The following GNE variants were observed in gnomAD, a reference collection of about 807,000 sequenced individuals.
GNE encodes the protein bifunctional UDP-N-acetylglucosamine 2-epimerase/N-acetylmannosamine kinase.
A neutral mutation model predicts 61.8 loss-of-function variants in GNE; 41 were observed. That is an observed-to-expected ratio of 0.66 (90% confidence interval 0.52 to 0.86). GNE has a LOEUF of 0.86. GNE is among the 40% of genes least tolerant of loss of function. GNE has a pLI of 0.00. For missense variants in GNE, 608 were observed against 909.1 expected, an observed-to-expected ratio of 0.67 and a Z score of 4.26; for synonymous variants, 264 against 326.4, an observed-to-expected ratio of 0.81 and a Z score of 2.06.
chr9:36,227,343 T>G lies in GNE; in HGVS notation c.1186A>C (p.Ile396Leu), dbSNP rs886042509. The G allele has an allele frequency of 1.9e-6, 3 of 1,612,072 alleles. No individual in the cohort carries two copies. The highest frequency in any genetic ancestry group is 1.3e-5 in the African/African-American group (1 of 74,880). Residue 396 changes from isoleucine (I) to leucine (L), a missense_variant, in exon 7 of 12, where the codon ATC becomes CTC. Ile to Leu is a conservative substitution (Grantham distance 5, BLOSUM62 2). Coordinates refer to ENST00000642385, the MANE Select transcript of GNE (RefSeq NM_005476.7). Reference sequence around the variant, plus strand: ...AGAATATGGTCAATATCTTGAGAGATATTCTCCTTCACAGGAGGAAAGCAG... The same window carrying G: ...AGAATATGGTCAATATCTTGAGAGAGATTCTCCTTCACAGGAGGAAAGCAG... The part of the protein sequence containing the change: ...KFCFPPVKEN[I>L]SQDIDHILET...
At chr9:36,245,657 G>C (rs529618283) in intron 3 of GNE, among the ~76,000 whole-genome samples, 3 of 152,120 alleles carry the variant, frequency 2.0e-5, no homozygotes, top group Non-Finnish European at 2.9e-5. Context: ...CTAGGCAACA[G>C]AGCAAGACTC....
chr9:36,276,390 C>A (rs1269017261), intron 1 of GNE, among the ~76,000 whole-genome samples: 1 of 152,126 alleles, frequency 6.6e-6, no homozygotes, highest in Non-Finnish European at 1.5e-5. Context: ...ATGATAATTT[C>A]CTTTTTATTT....
chr9:36,233,994 C>A lies in GNE; in HGVS notation c.908G>T (p.Cys303Phe). Reference sequence around the variant, plus strand: ...AAAAGCTCCAACTTCTCGAACCCCACAGCTGCTGTTCCCAATCATACAGCC... The same window carrying A: ...AAAAGCTCCAACTTCTCGAACCCCAAAGCTGCTGTTCCCAATCATACAGCC... Reference protein sequence around the residue: ...HAGCMIGNSSCGVREVGAFGT... With the variant: ...HAGCMIGNSSFGVREVGAFGT... The change falls in exon 5 of 12, where the codon TGT becomes TTT. Residue 303 changes from cysteine (C) to phenylalanine (F), a missense_variant. Physicochemically the swap from Cys to Phe is radical, Grantham distance 205. Coordinates refer to ENST00000642385, the MANE Select transcript of GNE (RefSeq NM_005476.7). 6.2e-7 allele frequency: 1 copy of A among 1,614,224 alleles called. No individual in the cohort carries two copies. The highest frequency in any genetic ancestry group is 2.2e-5 in the East Asian group (1 of 44,886).
chr9:36,247,160 G>A (rs553396864), intron 2 of GNE, among the ~76,000 whole-genome samples: 65 of 152,008 alleles, frequency 4.3e-4, no homozygotes, highest in African/African-American at 1.1e-3. Flanking sequence ...AGGTTCAAGC[G>A]ATTCTCCTGC....
chr9:36,222,956 A>C lies in GNE; in HGVS notation c.1454T>G (p.Val485Gly), dbSNP rs1168765605. 1 of 1,614,030 alleles carries C rather than the reference A, an allele frequency of 6.2e-7. No homozygotes were observed. Among genetic ancestry groups the C allele is most frequent in the African/African-American group, 1.3e-5 (1 of 74,930 alleles). Residue 485 changes from valine to glycine, a missense_variant, in exon 9 of 12, where the codon GTG (valine) becomes GGG (glycine). Transcript: ENST00000642385. Reference protein sequence around the residue: ...GGRVNPREGIVLHSTKLIQEW... With the variant: ...GGRVNPREGIGLHSTKLIQEW... ...TTGGATCAGTTTGGTTGAATGCAGCACAATTCCTTCCCGAGGATTTACACG... is the reference window on the plus strand; with the variant it reads ...TTGGATCAGTTTGGTTGAATGCAGCCCAATTCCTTCCCGAGGATTTACACG...
At chr9:36,219,081 G>T (rs534326016) in intron 10 of GNE, among the ~76,000 whole-genome samples, 2 of 152,070 alleles carry the variant, frequency 1.3e-5, no homozygotes, top group African/African-American at 4.8e-5. Flanking sequence ...GTGGTCTCCT[G>T]TCTCCCCTGG....
intron 1 of GNE, chr9:36,276,831 TC>T: frequency 8.0e-7 from 1 of 1,243,456 alleles, no homozygotes; most frequent in Admixed American, 1.9e-5. Context: ...TTTTCCTTTT[TC>T]CCCCCTTTTT....
chr9:36,257,117 T>C (rs973953555), intron 1 of GNE, among the ~76,000 whole-genome samples: 2 of 152,046 alleles, frequency 1.3e-5, no homozygotes, highest in Non-Finnish European at 2.9e-5. Context: ...GGCAGGAGAA[T>C]TACTTGAACC....
intron 1 of GNE, among the ~76,000 whole-genome samples, chr9:36,250,976 C>T (rs1028185116): frequency 2.0e-5 from 3 of 152,136 alleles, no homozygotes; most frequent in Non-Finnish European, 4.4e-5. Context: ...CCATTGCGCC[C>T]GGCCTCCTAC....
intron 1 of GNE, among the ~76,000 whole-genome samples, chr9:36,257,379 G>A (rs181973715): frequency 2.0e-5 from 3 of 152,090 alleles, no homozygotes; most frequent in Non-Finnish European, 2.9e-5. Flanking sequence ...GCTATAATTC[G>A]GTTTGGCTTC....
intron 5 of GNE, among the ~76,000 whole-genome samples, chr9:36,233,498 C>G (rs1829261194): frequency 6.6e-6 from 1 of 152,124 alleles, no homozygotes; most frequent in Admixed American, 6.5e-5. Context: ...AACCCCGTCT[C>G]TACTAAAAAA....
chr9:36,245,277 A>C (rs982499498), intron 3 of GNE, among the ~76,000 whole-genome samples: 16 of 152,130 alleles, frequency 1.1e-4, no homozygotes, highest in African/African-American at 3.9e-4. Context: ...AAACAAAAAA[A>C]AAATTCAGAA....
intron 1 of GNE, among the ~76,000 whole-genome samples, chr9:36,249,723 CA>C (rs1212144870): frequency 2.5e-4 from 36 of 145,484 alleles, no homozygotes; most frequent in African/African-American, 2.3e-4. Flanking sequence ...CTAAAAAATA[CA>C]AAAAAAAAAA....
upstream of GNE, chr9:36,258,628 C>G (rs751619331): frequency 1.8e-6 from 1 of 540,626 alleles, no homozygotes; most frequent in Non-Finnish European, 2.4e-6. Context: ...GACCAGCGGA[C>G]CATCTTCCAT....
At chr9:36,225,859 A>G (rs1333926145) in intron 7 of GNE, among the ~76,000 whole-genome samples, 1 of 152,196 alleles carries the variant, frequency 6.6e-6, no homozygotes, top group Non-Finnish European at 1.5e-5. Context: ...AATCACCTGG[A>G]CAGCTTTTAA....
At chr9:36,243,367 C>G (rs1450410757) in intron 3 of GNE, among the ~76,000 whole-genome samples, 1 of 152,178 alleles carries the variant, frequency 6.6e-6, no homozygotes, top group African/African-American at 2.4e-5. Context: ...CTATTCATTA[C>G]AAGTTTTTCA....
At position 36,258,357 on chromosome 9, in the gene GNE, G is replaced by A. The variant is rs1830482759; in HGVS notation, c.-79C>T. The A allele has an allele frequency of 2.0e-6, 2 of 985,442 alleles. No individual in the cohort carries two copies. The highest frequency in any genetic ancestry group is 9.4e-5 in the South Asian group (2 of 21,298). The allele number at this position is 985,442 out of a possible 1,614,324, so 61.0% of individuals were successfully genotyped here. A position where few individuals can be genotyped will look rare whatever the true frequency, so the allele number is the denominator to read the frequency against. ...AGAGGCTCCCTCCCACGCCGCCACC[G>A]CGCTCCTCGGGCGAGGGACGAACCA... On this transcript the variant is annotated 5_prime_UTR_variant, in exon 1 of 12. Transcript: ENST00000642385.
chr9:36,250,430 C>A (rs1360595493), intron 1 of GNE, among the ~76,000 whole-genome samples: 2 of 152,198 alleles, frequency 1.3e-5, no homozygotes, highest in Non-Finnish European at 2.9e-5. Flanking sequence ...AACTCATTTT[C>A]TTTTCGGAAG....
chr9:36,256,893 T>C (rs1830375009), intron 1 of GNE, among the ~76,000 whole-genome samples: 1 of 152,148 alleles, frequency 6.6e-6, no homozygotes, highest in Admixed American at 6.6e-5. Context: ...ATAATTTACT[T>C]GCCCCAAATC....
Sources: gnomAD v4.1 joint callset for allele counts (sites outside exome capture counted in the v4.1 genomes callset) on GRCh38, gnomAD v4.1.1 for gene constraint, MANE v1.5 for transcripts, NCBI Gene and HGNC (gene_info 2026-07-23, HGNC 2026-07-21) for gene names.